SLC25A53: variants seen among roughly 807,000 people sequenced by gnomAD.
SLC25A53 encodes the protein solute carrier family 25 member 53, also known as mitochondrial carrier triple repeat protein 6.
In SLC25A53, 5 loss-of-function variants were observed where a neutral mutation model predicts 15.0. That is an observed-to-expected ratio of 0.33 (90% confidence interval 0.17 to 0.70). The LOEUF is 0.70. Ranked by LOEUF, SLC25A53 falls within the 30% of genes least tolerant of loss-of-function variation. The probability of loss-of-function intolerance (pLI) is 0.67; values close to 1 mark genes in which losing one functional copy is unlikely to be tolerated. For synonymous variants in SLC25A53, 95 were observed against 100.0 expected (o/e 0.95, Z 0.30); for missense variants, 216 against 241.6 (o/e 0.89, Z 0.70).
intron 1 of SLC25A53, chrX:104,114,082 T>C: frequency 8.3e-7 from 1 of 1,211,404 alleles, no homozygotes; most frequent in Non-Finnish European, 1.1e-6. Context: ...GAGCATCTTG[T>C]TGTATTCAGA....
intron 1 of SLC25A53, among the ~76,000 whole-genome samples, chrX:104,117,297 C>T (rs1356913585): frequency 9.2e-6 from 1 of 108,317 alleles, no homozygotes; most frequent in Non-Finnish European, 1.9e-5. Context: ...TTATCACAGT[C>T]TCACTTTACC....
intron 1 of SLC25A53, among the ~76,000 whole-genome samples, chrX:104,133,057 T>C (rs1009122765): frequency 1.8e-5 from 2 of 112,142 alleles, no homozygotes; most frequent in Non-Finnish European, 3.8e-5. Flanking sequence ...TTTAGTCAAG[T>C]TAAATGCTGC....
intron 1 of SLC25A53, among the ~76,000 whole-genome samples, chrX:104,147,726 A>G (rs2075472400): frequency 8.9e-6 from 1 of 111,977 alleles, no homozygotes; most frequent in Non-Finnish European, 1.9e-5. Context: ...GCCATCAGAG[A>G]AATGCAAATC....
chrX:104,114,477 G>A, intron 1 of SLC25A53: 1 of 1,211,706 alleles, frequency 8.3e-7, no homozygotes, highest in Non-Finnish European at 1.1e-6. Flanking sequence ...TGGTGTTTGG[G>A]GAGTCTGAAA....
chrX:104,119,844 CCAAAA>C (rs1480573198), intron 1 of SLC25A53, among the ~76,000 whole-genome samples: 14 of 111,944 alleles, frequency 1.3e-4, no homozygotes, highest in Admixed American at 8.5e-4. Flanking sequence ...TTTCCTCTCT[CCAAAA>C]CAAAACAAAA....
At position 104,114,806 on chromosome X, in the gene SLC25A53, C is replaced by G. The variant is rs782486552; in HGVS notation, c.-31-9518G>C. 5 of 1,208,918 alleles carry G rather than the reference C, an allele frequency of 4.1e-6. No homozygotes were observed. The African/African-American group carries it at 8.7e-5, about 21-fold the overall frequency. On this transcript the variant is annotated intron_variant, in intron 1 of 1. Coordinates refer to ENST00000594199, the MANE Select transcript of SLC25A53 (RefSeq NM_001012755.5). Reference sequence around the variant, plus strand: ...GATGCTTTTATTAAACGGAAGCGGCCGAAAAGGTCTGAGCCAATAATGGAG... The same window carrying G: ...GATGCTTTTATTAAACGGAAGCGGCGGAAAAGGTCTGAGCCAATAATGGAG...
chrX:104,109,901 T>A (rs782705797), intron 1 of SLC25A53, among the ~76,000 whole-genome samples: 1 of 112,187 alleles, frequency 8.9e-6, no homozygotes, highest in East Asian at 2.8e-4. Context: ...ACCTTCAAGC[T>A]TTTAAGGTTT....
intron 1 of SLC25A53, chrX:104,114,457 G>GC: frequency 1.7e-6 from 2 of 1,211,864 alleles, no homozygotes; most frequent in Non-Finnish European, 2.2e-6. Flanking sequence ...TTTCTTGCGG[G>GC]CAATGAAATT....
intron 1 of SLC25A53, among the ~76,000 whole-genome samples, chrX:104,155,872 C>T (rs1456808081): frequency 1.8e-5 from 2 of 109,645 alleles, no homozygotes; most frequent in Non-Finnish European, 3.8e-5. Context: ...GGTAAAACCC[C>T]GTCTCTACTA....
At chrX:104,132,514 A>G (rs1355265001) in intron 1 of SLC25A53, among the ~76,000 whole-genome samples, 3 of 112,591 alleles carry the variant, frequency 2.7e-5, no homozygotes, top group Non-Finnish European at 5.6e-5. Context: ...TCGTGGCTAC[A>G]CACACCACAG....
Position 104,103,443 on chromosome X carries a change from C to G in SLC25A53, c.*891G>C, listed in dbSNP as rs1432330657. On this transcript the variant is annotated 3_prime_UTR_variant, in exon 2 of 2. Transcript: ENST00000594199. ...TATATGATGACCATATTTTGAATGGCTCTGAATGACAGGCTAAGATTTCTG... is the reference window on the plus strand; with the variant it reads ...TATATGATGACCATATTTTGAATGGGTCTGAATGACAGGCTAAGATTTCTG... 1 of 111,557 alleles carries G rather than the reference C, an allele frequency of 9.0e-6. No individual in the cohort carries two copies. Among genetic ancestry groups the G allele is most frequent in the African/African-American group, 3.3e-5 (1 of 30,639 alleles). 9.2% of individuals were successfully genotyped at this position (111,557 alleles called of 1,213,427 possible). A position where few individuals can be genotyped will look rare whatever the true frequency, so the allele number is the denominator to read the frequency against.
At chrX:104,124,904 G>C (rs782087995) in intron 1 of SLC25A53, among the ~76,000 whole-genome samples, 73 of 92,277 alleles carry the variant, frequency 7.9e-4, no homozygotes, top group Admixed American at 2.9e-3. Flanking sequence ...GTGCAATGGC[G>C]TGATCTTGGC....
At chrX:104,148,316 G>C (rs1556369632) in intron 1 of SLC25A53, among the ~76,000 whole-genome samples, 2 of 109,360 alleles carry the variant, frequency 1.8e-5, no homozygotes, top group Admixed American at 2.0e-4. Flanking sequence ...TGGGAGGAGG[G>C]GGGAGGGATA....
In SLC25A53 at chrX:104,104,995, T is replaced by C; in HGVS notation, c.263A>G (p.Lys88Arg). 8.3e-7 allele frequency: 1 copy of C among 1,211,425 alleles called. No homozygotes were observed. Among genetic ancestry groups the C allele is most frequent in the Non-Finnish European group, 1.1e-6 (1 of 895,468 alleles). The change falls in exon 2 of 2, where the codon AAG becomes AGG. Residue 88 changes from lysine to arginine, a missense_variant. By Grantham distance (26) the Lys-to-Arg change is conservative. Coordinates refer to ENST00000594199, the MANE Select transcript of SLC25A53 (RefSeq NM_001012755.5). ...AAACAGAAGAGTCCCTTGCAACGTC[T>C]TGGAGAGAAGAGGAGGGTAGATTCC... ...YRGIYPPLLS[K>R]TLQGTLLFGT...
Position 104,154,453 on chromosome X carries a change from C to T in SLC25A53, c.-32+2425G>A, listed in dbSNP as rs782036631. Among the ~76,000 whole-genome samples the T allele has an allele frequency of 5.9e-4, 66 of 112,070 alleles. 1 individual carries two copies. Among genetic ancestry groups the T allele is most frequent in the African/African-American group, 1.7e-3 (53 of 30,897 alleles). On this transcript the variant is annotated intron_variant, in intron 1 of 1. Transcript: ENST00000594199. ...CCTCAAAAAACTAAAAATAGAATTACTATATGATCCAGCAATCCCACTTCT... is the reference window on the plus strand; with the variant it reads ...CCTCAAAAAACTAAAAATAGAATTATTATATGATCCAGCAATCCCACTTCT...
chrX:104,115,445 A>G, intron 1 of SLC25A53: 1 of 696,471 alleles, frequency 1.4e-6, no homozygotes, highest in East Asian at 3.5e-5. Context: ...TTCCTTTGGG[A>G]AGGAGAAGAG....
chrX:104,147,941 T>C (rs1471228924), intron 1 of SLC25A53, among the ~76,000 whole-genome samples: 2 of 111,691 alleles, frequency 1.8e-5, no homozygotes, highest in African/African-American at 6.5e-5. Flanking sequence ...CCCAGCCATC[T>C]CATTACTGGG....
intron 1 of SLC25A53, chrX:104,115,321 T>C (rs1429532286): frequency 1.7e-6 from 2 of 1,157,031 alleles, no homozygotes; most frequent in Non-Finnish European, 2.3e-6. Context: ...TGAGCCACAG[T>C]AAGGATCTAG....
At chrX:104,124,183 T>A (rs1479474745) in intron 1 of SLC25A53, among the ~76,000 whole-genome samples, 1 of 111,772 alleles carries the variant, frequency 8.9e-6, no homozygotes, top group Non-Finnish European at 1.9e-5. Flanking sequence ...CCACCAACAG[T>A]GTAAAAGCGT....
Sources: gnomAD v4.1 joint callset for allele counts (sites outside exome capture counted in the v4.1 genomes callset) on GRCh38, gnomAD v4.1.1 for gene constraint, MANE v1.5 for transcripts, NCBI Gene and HGNC (gene_info 2026-07-23, HGNC 2026-07-21) for gene names.